ASB3: variants seen among roughly 807,000 people sequenced by gnomAD.
The protein encoded by ASB3 is ankyrin repeat and SOCS box containing 3.
ASB3 carries 41 observed loss-of-function variants against 54.5 expected under a neutral mutation model. That is an observed-to-expected ratio of 0.75 (90% CI 0.59 to 0.98). ASB3 has a LOEUF of 0.98. ASB3 is among the 50% of genes least tolerant of loss of function. ASB3 has a pLI of 0.00. For missense variants in ASB3, 733 were observed against 620.0 expected (o/e 1.18, Z -1.94); for synonymous variants, 266 against 221.2 (o/e 1.20, Z -1.80).
intron 7 of ASB3, among the ~76,000 whole-genome samples, chr2:53,703,034 T>C (rs886122360): frequency 1.3e-5 from 2 of 152,170 alleles, no homozygotes; most frequent in African/African-American, 4.8e-5. Flanking sequence ...GAAACTAATG[T>C]AATAACAATG....
intron 1 of ASB3, among the ~76,000 whole-genome samples, chr2:53,775,532 T>C (rs1470869252): frequency 6.6e-6 from 1 of 152,220 alleles, no homozygotes; most frequent in Non-Finnish European, 1.5e-5. Flanking sequence ...TGGAGTGCAG[T>C]GGTGCCAACC....
intron 2 of ASB3, among the ~76,000 whole-genome samples, chr2:53,755,579 T>G (rs1302572243): frequency 6.6e-6 from 1 of 152,178 alleles, no homozygotes; most frequent in Admixed American, 6.5e-5. Context: ...TTTACACAAT[T>G]TATATCATCT....
intron 9 of ASB3, among the ~76,000 whole-genome samples, chr2:53,685,035 C>T (rs1668561395): frequency 6.6e-6 from 1 of 152,186 alleles, no homozygotes; most frequent in Non-Finnish European, 1.5e-5. Flanking sequence ...ATGCAGTACT[C>T]ATGGTGGGAC....
chr2:53,767,989 G>A, intron 1 of ASB3: 2 of 1,611,458 alleles, frequency 1.2e-6, no homozygotes, highest in East Asian at 2.2e-5. Flanking sequence ...CTTCTGGCAG[G>A]GCAGCACGGA....
At chr2:53,710,970 CAA>C (rs36014909) in intron 7 of ASB3, among the ~76,000 whole-genome samples, 28 of 147,288 alleles carry the variant, frequency 1.9e-4, no homozygotes, top group East Asian at 1.8e-3. Flanking sequence ...ACAAAAAATA[CAA>C]AAAAAAAAAA....
chr2:53,696,662 A>T (rs1572859903), intron 8 of ASB3, among the ~76,000 whole-genome samples: 2 of 152,208 alleles, frequency 1.3e-5, no homozygotes, highest in East Asian at 3.8e-4. Context: ...AGCCCTCCAC[A>T]TCCTAAGAGT....
At chr2:53,727,383 A>G (rs1295135891) in intron 5 of ASB3, among the ~76,000 whole-genome samples, 2 of 152,198 alleles carry the variant, frequency 1.3e-5, no homozygotes, top group East Asian at 3.9e-4. Context: ...GGGCAGGCAC[A>G]GCGACTTACA....
At chr2:53,717,201 T>C (rs890359916) in intron 5 of ASB3, among the ~76,000 whole-genome samples, 2 of 152,184 alleles carry the variant, frequency 1.3e-5, no homozygotes, top group Non-Finnish European at 2.9e-5. Context: ...TGGGGCCCAA[T>C]AAGTAAACAT....
At chr2:53,774,505 C>A in intron 1 of ASB3, 1 of 1,554,702 alleles carries the variant, frequency 6.4e-7, no homozygotes, top group South Asian at 1.3e-5. Flanking sequence ...AGAAGGGAAA[C>A]AGAACCTCAA....
At chr2:53,744,020 G>A (rs1672082729) in intron 3 of ASB3, among the ~76,000 whole-genome samples, 1 of 148,740 alleles carries the variant, frequency 6.7e-6, no homozygotes, top group African/African-American at 2.5e-5. Context: ...TCCAGCCTGG[G>A]TGACAGAGTG....
chr2:53,724,740 T>G (rs1670898350), intron 5 of ASB3, among the ~76,000 whole-genome samples: 1 of 151,738 alleles, frequency 6.6e-6, no homozygotes, highest in African/African-American at 2.4e-5. Flanking sequence ...TGAGATATAA[T>G]CTTATACCAC....
intron 7 of ASB3, among the ~76,000 whole-genome samples, chr2:53,705,606 T>G (rs539610251): frequency 6.6e-6 from 1 of 152,308 alleles, no homozygotes; most frequent in South Asian, 2.1e-4. Flanking sequence ...ATCTGTAAAT[T>G]TATATCTTTA....
At chr2:53,725,678 C>T (rs971426085) in intron 5 of ASB3, among the ~76,000 whole-genome samples, 1 of 152,110 alleles carries the variant, frequency 6.6e-6, no homozygotes, top group East Asian at 1.9e-4. Context: ...AGATCATCAT[C>T]AAGACGGAAA....
intron 6 of ASB3, 87 bp downstream of exon 6, chr2:53,716,479 G>C: frequency 1.3e-6 from 2 of 1,487,156 alleles, no homozygotes; most frequent in Non-Finnish European, 1.8e-6. Flanking sequence ...CAAAGACTTT[G>C]CCTAGAGGTG....
chr2:53,673,998 A>G (rs181634360), intron 9 of ASB3, among the ~76,000 whole-genome samples: 3 of 152,294 alleles, frequency 2.0e-5, no homozygotes, highest in Admixed American at 6.5e-5. Flanking sequence ...TACTAAGGGA[A>G]TTTTATAACC....
chr2:53,729,408 G>A (rs759543410), intron 4 of ASB3, 50 bp downstream of exon 4: 2 of 1,590,258 alleles, frequency 1.3e-6, no homozygotes, highest in Non-Finnish European at 1.7e-6. Flanking sequence ...ATTTTAAGAG[G>A]GTAAAACACA....
intron 9 of ASB3, among the ~76,000 whole-genome samples, chr2:53,672,040 A>G (rs1667850632): frequency 6.6e-6 from 1 of 152,208 alleles, no homozygotes; most frequent in African/African-American, 2.4e-5. Flanking sequence ...CTTGAGACCA[A>G]TTAATTCTCT....
chr2:53,780,098 C>T (rs1674560224), intron 1 of ASB3, among the ~76,000 whole-genome samples: 1 of 152,152 alleles, frequency 6.6e-6, no homozygotes, highest in African/African-American at 2.4e-5. Context: ...TTCCAATACA[C>T]GCTCTACTGT....
intron 9 of ASB3, among the ~76,000 whole-genome samples, chr2:53,683,496 A>G (rs1167610121): frequency 6.6e-6 from 1 of 152,000 alleles, no homozygotes; most frequent in Non-Finnish European, 1.5e-5. Context: ...GGCCTCATAC[A>G]GTACATTTGG....
Sources: gnomAD v4.1 joint callset for allele counts (sites outside exome capture counted in the v4.1 genomes callset) on GRCh38, gnomAD v4.1.1 for gene constraint, MANE v1.5 for transcripts, NCBI Gene and HGNC (gene_info 2026-07-23, HGNC 2026-07-21) for gene names.